POLK: variants seen among roughly 807,000 people sequenced by gnomAD.
POLK encodes the protein DNA polymerase kappa.
POLK carries 76 observed loss-of-function variants against 94.0 expected under a neutral mutation model. The ratio of observed to expected loss-of-function variants is 0.81; its 90% CI spans 0.67 to 0.98. POLK has a LOEUF of 0.98. POLK is among the 50% of genes least tolerant of loss of function. The pLI is 0.00. For missense variants in POLK, 954 were observed against 1,010.1 expected, an observed-to-expected ratio of 0.94 and a Z score of 0.75; for synonymous variants, 349 against 325.4, an observed-to-expected ratio of 1.07 and a Z score of -0.78.
chr5:75,514,333 TAA>T lies in POLK; in HGVS notation c.-14+2420_-14+2421del, dbSNP rs376373671. 1.8e-4 allele frequency among the ~76,000 whole-genome samples: 28 copies of T among 152,312 alleles called. No homozygotes were observed. In the East Asian group the frequency reaches 3.1e-3, roughly 17 times the overall value. On this transcript the variant is annotated intron_variant, in intron 1 of 14. Coordinates refer to ENST00000241436, the Ensembl canonical transcript of POLK. Reference sequence around the variant, plus strand: ...AGTAAATAATAACTGATGAATGAAATAAGTTTAACTTGGTTGATGATTGAAGA... The same window carrying T: ...AGTAAATAATAACTGATGAATGAAATGTTTAACTTGGTTGATGATTGAAGA...
chr5:75,577,032 A>G (rs1347868739), intron 6 of POLK, 99 bp downstream of exon 6: 8 of 664,264 alleles, frequency 1.2e-5, no homozygotes, highest in Non-Finnish European at 1.9e-5. Context: ...CTGCATAGGT[A>G]GAAGGGATAG....
intron 1 of POLK, 55 bp downstream of exon 1, chr5:75,511,969 G>C (rs900975270): frequency 2.9e-6 from 2 of 682,990 alleles, no homozygotes; most frequent in Non-Finnish European, 4.9e-6. Flanking sequence ...CAGTCGGTGG[G>C]TGGGCTTCGT....
downstream of POLK, among the ~76,000 whole-genome samples, chr5:75,605,325 C>CT (rs1309988748): frequency 6.6e-6 from 1 of 152,136 alleles, no homozygotes; most frequent in Non-Finnish European, 1.5e-5. Flanking sequence ...TTTAGATCAT[C>CT]TTGTGCATTT....
At chr5:75,513,040 A>G (rs1332104121) in intron 1 of POLK, 1 of 152,238 alleles carries the variant, frequency 6.6e-6, no homozygotes, top group African/African-American at 2.4e-5. Context: ...TTTCAAATCT[A>G]GGCTTGATGA....
At chr5:75,520,290 G>A (rs1486276317) in intron 1 of POLK, among the ~76,000 whole-genome samples, 3 of 152,160 alleles carry the variant, frequency 2.0e-5, no homozygotes, top group Non-Finnish European at 4.4e-5. Context: ...TAACAAGTTT[G>A]TCTTTTAGAC....
chr5:75,584,611 T>C (rs2112835652), intron 8 of POLK, 149 bp from the exon 9 acceptor site: 1 of 533,452 alleles, frequency 1.9e-6, no homozygotes, highest in Non-Finnish European at 3.3e-6. Context: ...GTGGAGGTTG[T>C]GGGGAGCCAA....
At chr5:75,538,834 G>A (rs1474533652) in intron 1 of POLK, among the ~76,000 whole-genome samples, 5 of 151,966 alleles carry the variant, frequency 3.3e-5, no homozygotes, top group Non-Finnish European at 5.9e-5. Context: ...GTAGCGGCGC[G>A]ACATCAGCTC....
intron 6 of POLK, among the ~76,000 whole-genome samples, chr5:75,578,711 A>G (rs1379673351): frequency 1.3e-5 from 2 of 152,196 alleles, no homozygotes; most frequent in Non-Finnish European, 2.9e-5. Context: ...GGCAATTGAT[A>G]TATCTTCCTC....
At chr5:75,522,624 C>T (rs543696399) in intron 1 of POLK, among the ~76,000 whole-genome samples, 1 of 152,224 alleles carries the variant, frequency 6.6e-6, no homozygotes, top group Admixed American at 6.5e-5. Context: ...GATTTCTTTT[C>T]CTACTGGATC....
intron 1 of POLK, among the ~76,000 whole-genome samples, chr5:75,523,144 T>C (rs1768664946): frequency 6.6e-6 from 1 of 152,232 alleles, no homozygotes; most frequent in Non-Finnish European, 1.5e-5. Flanking sequence ...AAGCACATCA[T>C]AATATACTGC....
At chr5:75,564,151 C>T (rs547755106) in intron 3 of POLK, among the ~76,000 whole-genome samples, 5 of 152,026 alleles carry the variant, frequency 3.3e-5, no homozygotes, top group Non-Finnish European at 7.4e-5. Flanking sequence ...TTATGTAATG[C>T]CCTTCTTTGT....
chr5:75,563,868 C>G (rs1172481253), intron 3 of POLK, among the ~76,000 whole-genome samples: 3 of 152,108 alleles, frequency 2.0e-5, no homozygotes, highest in Admixed American at 6.5e-5. Context: ...AATGTATATC[C>G]TGTTGATTTG....
intron 1 of POLK, chr5:75,512,218 G>C (rs942773474): frequency 6.1e-6 from 1 of 164,798 alleles, no homozygotes; most frequent in African/African-American, 2.4e-5. Context: ...GACCACCGCT[G>C]TAAATCTCGA....
intron 1 of POLK, among the ~76,000 whole-genome samples, chr5:75,519,704 T>C (rs1255078687): frequency 6.6e-6 from 1 of 152,220 alleles, no homozygotes; most frequent in African/African-American, 2.4e-5. Context: ...TCCTGCTCTT[T>C]TCTGGTTTCC....
chr5:75,566,123 G>A (rs1418353713), intron 3 of POLK, among the ~76,000 whole-genome samples: 2 of 152,208 alleles, frequency 1.3e-5, no homozygotes, highest in African/African-American at 2.4e-5. Context: ...GCTGTGGTGG[G>A]TTCCACCCAG....
intron 6 of POLK, among the ~76,000 whole-genome samples, 191 bp downstream of exon 6, chr5:75,577,124 C>T (rs1175444013): frequency 6.6e-6 from 1 of 152,060 alleles, no homozygotes; most frequent in Admixed American, 6.5e-5. Context: ...TGGAATATCA[C>T]ATATAAACAA....
the POLK span, among the ~76,000 whole-genome samples, chr5:75,607,684 CAG>C: frequency 6.6e-6 from 1 of 152,084 alleles, no homozygotes; most frequent in African/African-American, 2.4e-5. Flanking sequence ...CTTTGTAAAA[CAG>C]AGACATATCA....
At chr5:75,570,486 A>C (rs997198663) in intron 4 of POLK, among the ~76,000 whole-genome samples, 1 of 152,208 alleles carries the variant, frequency 6.6e-6, no homozygotes, top group Non-Finnish European at 1.5e-5. Flanking sequence ...CAAAGCCTAA[A>C]ATGATTACTA....
At chr5:75,540,632 G>A (rs531958367) in intron 1 of POLK, among the ~76,000 whole-genome samples, 2 of 152,222 alleles carry the variant, frequency 1.3e-5, no homozygotes, top group Admixed American at 6.5e-5. Context: ...ATTCTAGATT[G>A]TAGAGCTTAA....
Sources: gnomAD v4.1 joint callset for allele counts (sites outside exome capture counted in the v4.1 genomes callset) on GRCh38, gnomAD v4.1.1 for gene constraint, MANE v1.5 for transcripts, NCBI Gene and HGNC (gene_info 2026-07-23, HGNC 2026-07-21) for gene names.